Variants in CCR5AS observed in about 807,000 individuals in gnomAD.
CCR5AS encodes CCR5 antisense RNA.
chr3:46,376,821 T>C (rs763178152), intron 2 of CCR5AS, among the ~76,000 whole-genome samples: 2 of 152,120 alleles, frequency 1.3e-5, no homozygotes, highest in African/African-American at 4.8e-5. Flanking sequence ...AACATGCTGG[T>C]TTTCAGTCAC....
intron 2 of CCR5AS, chr3:46,373,464 C>T: frequency 7.6e-7 from 1 of 1,316,356 alleles, no homozygotes; most frequent in Non-Finnish European, 1.1e-6. Context: ...CAGTCAGTAT[C>T]AATTCTGGAA....
chr3:46,395,707 C>T (rs1701955760), intron 1 of CCR5AS, among the ~76,000 whole-genome samples: 1 of 152,272 alleles, frequency 6.6e-6, no homozygotes, highest in Admixed American at 6.5e-5. Context: ...ACTTCTGCCC[C>T]CAAGCCCTGG....
chr3:46,392,360 G>A (rs1701920994), intron 2 of CCR5AS, among the ~76,000 whole-genome samples: 3 of 152,266 alleles, frequency 2.0e-5, no homozygotes, highest in African/African-American at 7.2e-5. Context: ...TTAGTCAAAG[G>A]TGTTTTAAGT....
At chr3:46,365,801 G>A (rs1357528853) in intron 3 of CCR5AS, among the ~76,000 whole-genome samples, 3 of 152,192 alleles carry the variant, frequency 2.0e-5, no homozygotes, top group African/African-American at 7.2e-5. Flanking sequence ...GACCCAATGT[G>A]ACAGTTCCTG....
chr3:46,389,320 A>G (rs1436211001), intron 2 of CCR5AS, among the ~76,000 whole-genome samples: 2 of 152,146 alleles, frequency 1.3e-5, no homozygotes, highest in Non-Finnish European at 2.9e-5. Context: ...AGTGAATCCA[A>G]TGGGGAGGGT....
intron 1 of CCR5AS, among the ~76,000 whole-genome samples, chr3:46,399,304 G>A (rs996875435): frequency 3.3e-5 from 5 of 152,202 alleles, no homozygotes; most frequent in Admixed American, 2.0e-4. Context: ...TGCCCCAGCA[G>A]CTGATTACAT....
chr3:46,379,932 A>G (rs1168712006), intron 2 of CCR5AS, among the ~76,000 whole-genome samples: 1 of 124,314 alleles, frequency 8.0e-6, no homozygotes, highest in Non-Finnish European at 1.8e-5. Flanking sequence ...AAATAAATAA[A>G]TAAATAGTAA....
rs139223832 is a variant in CCR5AS, at chr3:46,385,679, C to A, written n.391+7146G>T. The stretch of plus-strand genomic sequence containing the variant: ...TGTAGAAGCCCCAAACCCTACTGGG[C>A]GCAACTCTCTCTCTCTTGAGTATGC... On this transcript the variant is annotated intron_variant and non_coding_transcript_variant, in intron 2 of 3. Coordinates refer to ENST00000451485, the Ensembl canonical transcript of CCR5AS. Among the ~76,000 whole-genome samples, 4 of 152,228 alleles carry A rather than the reference C, an allele frequency of 2.6e-5. No homozygotes were observed. In the East Asian group the frequency reaches 7.7e-4, roughly 29 times the overall value.
At chr3:46,396,479 C>T (rs1701962956) in intron 1 of CCR5AS, among the ~76,000 whole-genome samples, 1 of 152,156 alleles carries the variant, frequency 6.6e-6, no homozygotes, top group South Asian at 2.1e-4. Context: ...CAGAACCTTC[C>T]ACCTGTACAG....
At chr3:46,402,139 G>A (rs1702010399) in intron 1 of CCR5AS, among the ~76,000 whole-genome samples, 1 of 152,114 alleles carries the variant, frequency 6.6e-6, no homozygotes, top group Admixed American at 6.5e-5. Flanking sequence ...AACATGCATT[G>A]AGAAAGACTG....
intron 1 of CCR5AS, among the ~76,000 whole-genome samples, chr3:46,393,921 CT>C (rs1701937789): frequency 6.6e-6 from 1 of 152,212 alleles, no homozygotes; most frequent in Non-Finnish European, 1.5e-5. Flanking sequence ...CTGAACTGCA[CT>C]TTTTCTAGAA....
intron 2 of CCR5AS, chr3:46,373,583 GA>G (rs1422930996): frequency 1.2e-6 from 2 of 1,613,516 alleles, no homozygotes; most frequent in East Asian, 2.2e-5. Context: ...GTCGAAATGA[GA>G]AGAAGAGGCA....
chr3:46,378,547 C>T (rs1701784166), intron 2 of CCR5AS, among the ~76,000 whole-genome samples: 1 of 152,094 alleles, frequency 6.6e-6, no homozygotes, highest in Non-Finnish European at 1.5e-5. Context: ...TCATACTGCC[C>T]CCGCGAGGCC....
At chr3:46,367,935 C>T (rs1369499000) in intron 3 of CCR5AS, among the ~76,000 whole-genome samples, 2 of 152,226 alleles carry the variant, frequency 1.3e-5, no homozygotes, top group South Asian at 2.1e-4. Context: ...TCACTGTTGA[C>T]TGATATTGAC....
At chr3:46,387,840 A>G (rs1701876158) in intron 2 of CCR5AS, among the ~76,000 whole-genome samples, 1 of 152,112 alleles carries the variant, frequency 6.6e-6, no homozygotes, top group Admixed American at 6.5e-5. Flanking sequence ...TAGGTAGTGG[A>G]AAATTACAGT....
At chr3:46,371,688 G>A (rs992328932) in intron 2 of CCR5AS, among the ~76,000 whole-genome samples, 16 of 152,168 alleles carry the variant, frequency 1.1e-4, no homozygotes, top group Non-Finnish European at 2.2e-4. Flanking sequence ...CAGAATGCAT[G>A]ACATTCATCT....
intron 2 of CCR5AS, among the ~76,000 whole-genome samples, chr3:46,388,188 G>T (rs35388950): frequency 0.19 from 29,275 of 151,846 alleles, 3,565 homozygotes; most frequent in African/African-American, 0.34. Context: ...TTGGGGCAGC[G>T]AAAATTTTTG....
At position 46,404,297 on chromosome 3, in the gene CCR5AS, TTCTCTCTCTCTCTC is replaced by T. The variant is rs149336611; in HGVS notation, n.163+2586_163+2599del. ...TAGTGCCCATCTTCTCAGCAAGGCTTTCTCTCTCTCTCTCTCTCTCTCTCTCTCTCTTTTTTTTT... is the reference window on the plus strand; with the variant it reads ...TAGTGCCCATCTTCTCAGCAAGGCTTTCTCTCTCTCTCTCTCTTTTTTTTT... On this transcript the variant is annotated intron_variant and non_coding_transcript_variant, in intron 1 of 3. Coordinates refer to ENST00000451485, the Ensembl canonical transcript of CCR5AS. 6.0e-3 allele frequency among the ~76,000 whole-genome samples: 425 copies of T among 71,082 alleles called. 12 individuals are homozygous for T. The highest frequency in any genetic ancestry group is 0.019 in the African/African-American group (397 of 20,740). The allele number at this position is 71,082 out of a possible 152,430, so 46.6% of individuals were successfully genotyped here. A position where few individuals can be genotyped will look rare whatever the true frequency, so the allele number is the denominator to read the frequency against.
intron 2 of CCR5AS, among the ~76,000 whole-genome samples, chr3:46,392,159 A>T (rs1701919387): frequency 6.6e-6 from 1 of 152,202 alleles, no homozygotes; most frequent in Admixed American, 6.5e-5. Flanking sequence ...TTAGGTTTTT[A>T]AAAGAGTGCA....
Sources: allele counts gnomAD v4.1 joint callset (sites outside exome capture counted in the v4.1 genomes callset), GRCh38; gene constraint gnomAD v4.1.1; transcripts MANE v1.5; gene names NCBI Gene and HGNC (gene_info 2026-07-23, HGNC 2026-07-21).